The following TGIF1 variants were observed in gnomAD, a reference collection of about 807,000 sequenced individuals.
TGIF1 encodes the protein homeobox protein TGIF1.
In TGIF1, 4 loss-of-function variants were observed where a neutral mutation model predicts 19.3. The ratio of observed to expected loss-of-function variants is 0.21; its 90% CI spans 0.10 to 0.47. TGIF1 has a LOEUF of 0.47. TGIF1 is among the 20% of genes least tolerant of loss of function. The probability of loss-of-function intolerance (pLI) is 0.98; values close to 1 mark genes in which losing one functional copy is unlikely to be tolerated. For missense variants in TGIF1, 275 were observed against 341.4 expected (o/e 0.81, Z 1.53); for synonymous variants, 122 against 129.3 (o/e 0.94, Z 0.38).
chr18:3,453,439 C>T (rs1018996959), intron 1 of TGIF1, among the ~76,000 whole-genome samples: 2 of 152,028 alleles, frequency 1.3e-5, no homozygotes, highest in African/African-American at 4.8e-5. Flanking sequence ...GTAATCCCAG[C>T]ACTTTGGGAG....
intron 1 of TGIF1, chr18:3,452,519 G>A (rs2083005662): frequency 1.5e-6 from 2 of 1,338,108 alleles, no homozygotes; most frequent in Admixed American, 2.0e-5. Flanking sequence ...CTCTGAGAAG[G>A]TGGGATTCAC....
At chr18:3,439,333 G>A (rs1568038460) in intron 2 of TGIF1, among the ~76,000 whole-genome samples, 1 of 151,240 alleles carries the variant, frequency 6.6e-6, no homozygotes, top group Non-Finnish European at 1.5e-5. Context: ...TGTTTCTGAA[G>A]TCACCTCACT....
Position 3,426,686 on chromosome 18 carries a change from G to A in TGIF1, c.-45+8471G>A, listed in dbSNP as rs578132014. Among the ~76,000 whole-genome samples, 4 of 152,040 alleles carry A rather than the reference G, an allele frequency of 2.6e-5. No individual in the cohort carries two copies. In the South Asian group the frequency reaches 8.3e-4, roughly 31 times the overall value. On this transcript the variant is annotated intron_variant, in intron 2 of 3. Coordinates refer to the TGIF1 transcript ENST00000401449. ...TACAACCCTTGTGAAGTAGAATTTGGCAATATCTAACAAAGCCACACGTTT... is the reference window on the plus strand; with the variant it reads ...TACAACCCTTGTGAAGTAGAATTTGACAATATCTAACAAAGCCACACGTTT...
In TGIF1 at chr18:3,450,455, C is replaced by T. The variant is rs755779280; in HGVS notation, c.-35C>T. On this transcript the variant is annotated 5_prime_UTR_variant, in exon 1 of 3. Coordinates refer to ENST00000343820, the MANE Select transcript of TGIF1 (RefSeq NM_003244.4). ...TCCCCGCTCCTGGCCCCTCCAGACC[C>T]CCGCCTTGCCTCGCGCTGGGAGGGG... 6.6e-5 allele frequency: 103 copies of T among 1,554,388 alleles called. No individual in the cohort carries two copies. Among genetic ancestry groups the T allele is most frequent in the Non-Finnish European group, 3.2e-5 (37 of 1,148,900 alleles).
At chr18:3,422,669 T>G (rs1598857167) in intron 2 of TGIF1, among the ~76,000 whole-genome samples, 1 of 1,442 alleles carries the variant, frequency 6.9e-4, no homozygotes, top group African/African-American at 2.6e-3. Flanking sequence ...CCTATATAGG[T>G]GGCCTTTTTT....
At chr18:3,439,144 T>C (rs1157382933) in intron 2 of TGIF1, among the ~76,000 whole-genome samples, 1 of 151,990 alleles carries the variant, frequency 6.6e-6, no homozygotes, top group Non-Finnish European at 1.5e-5. Flanking sequence ...AGACGAAGTG[T>C]GTAAGGGAGA....
At chr18:3,442,233 T>G (rs1016007213) in intron 2 of TGIF1, among the ~76,000 whole-genome samples, 3 of 152,168 alleles carry the variant, frequency 2.0e-5, no homozygotes, top group Non-Finnish European at 2.9e-5. Context: ...TTCCTAGATA[T>G]TTCATCATTT....
Position 3,428,589 on chromosome 18 carries a change from T to TATCCG in TGIF1, c.-45+10375_-45+10379dup, listed in dbSNP as rs375805149. On this transcript the variant is annotated intron_variant, in intron 2 of 3. Coordinates refer to the TGIF1 transcript ENST00000401449. ...CATCTCCACTAAAATACAAAAAGATTATCCGGGCATGGTGGCACGCGCCTG... is the reference window on the plus strand; with the variant it reads ...CATCTCCACTAAAATACAAAAAGATTATCCGATCCGGGCATGGTGGCACGCGCCTG... 7.3e-4 allele frequency among the ~76,000 whole-genome samples: 111 copies of TATCCG among 151,830 alleles called. 1 individual carries two copies. The highest frequency in any genetic ancestry group is 2.5e-3 in the African/African-American group (104 of 41,364).
At chr18:3,445,651 G>C (rs368533480), upstream of TGIF1, among the ~76,000 whole-genome samples, 1 of 143,452 alleles carries the variant, frequency 7.0e-6, no homozygotes, top group East Asian at 2.1e-4. Flanking sequence ...GTGAACCCAG[G>C]AGGCAGAGCT....
intron 2 of TGIF1, among the ~76,000 whole-genome samples, chr18:3,419,515 G>A (rs548578738): frequency 1.1e-4 from 16 of 152,270 alleles, no homozygotes; most frequent in African/African-American, 3.8e-4. Flanking sequence ...TAGTTGGTTG[G>A]TTAGTTGGTT....
exon 1 of TGIF1, chr18:3,412,074 CA>C: frequency 6.2e-6 from 1 of 162,074 alleles, no homozygotes; most frequent in Non-Finnish European, 1.4e-5. Flanking sequence ...CTCAGCGGGG[CA>C]AAGGCCAGGC....
intron 1 of TGIF1, among the ~76,000 whole-genome samples, chr18:3,453,525 A>G (rs1370769267): frequency 6.6e-6 from 1 of 151,934 alleles, no homozygotes; most frequent in Non-Finnish European, 1.5e-5. Context: ...CGTCTCTCCT[A>G]AAAACACAAA....
At chr18:3,434,703 A>G (rs1023428400) in intron 2 of TGIF1, among the ~76,000 whole-genome samples, 2 of 152,186 alleles carry the variant, frequency 1.3e-5, no homozygotes, top group African/African-American at 4.8e-5. Flanking sequence ...CGACAGAGTG[A>G]GACTGTCTCA....
rs927407331 is a variant in TGIF1, at chr18:3,458,834, A to C, written c.*894A>C. Reference sequence around the variant, plus strand: ...TTACCCTTTAAAATAACCTTTGTTCAGTGGTACATTTAGTTAAGGCATTTG... The same window carrying C: ...TTACCCTTTAAAATAACCTTTGTTCCGTGGTACATTTAGTTAAGGCATTTG... On this transcript the variant is annotated 3_prime_UTR_variant, in exon 3 of 3. Coordinates refer to ENST00000343820, the MANE Select transcript of TGIF1 (RefSeq NM_003244.4). The C allele has an allele frequency of 6.6e-6, 1 of 152,226 alleles. No individual in the cohort carries two copies. Among genetic ancestry groups the C allele is most frequent in the East Asian group, 1.9e-4 (1 of 5,202 alleles). The allele number at this position is 152,226 out of a possible 1,614,324, so 9.4% of individuals were successfully genotyped here.
intron 1 of TGIF1, among the ~76,000 whole-genome samples, chr18:3,450,759 C>T (rs1000017863): frequency 3.9e-5 from 6 of 152,208 alleles, no homozygotes; most frequent in Non-Finnish European, 7.3e-5. Flanking sequence ...CGCTCAGCGC[C>T]TTGTTTGTGC....
At chr18:3,424,354 T>C (rs1830208910) in intron 2 of TGIF1, among the ~76,000 whole-genome samples, 1 of 152,122 alleles carries the variant, frequency 6.6e-6, no homozygotes, top group Admixed American at 6.6e-5. Context: ...AAGGATCACA[T>C]GCAGTCAAGT....
Position 3,450,285 on chromosome 18 carries a change from G to T in TGIF1, c.-205G>T. 1 of 1,437,792 alleles carries T rather than the reference G, an allele frequency of 7.0e-7. No homozygotes were observed. 89.1% of individuals were successfully genotyped at this position (1,437,792 alleles called of 1,614,324 possible). On this transcript the variant is annotated 5_prime_UTR_variant, in exon 1 of 3. Transcript: ENST00000343820. ...CGGCCGGCTGCCAGAAGATCCCGGCGGGAGGAAGCCCAAGTGTCACTTGAA... is the reference window on the plus strand; with the variant it reads ...CGGCCGGCTGCCAGAAGATCCCGGCTGGAGGAAGCCCAAGTGTCACTTGAA...
At chr18:3,428,202 T>A (rs2082499042) in intron 2 of TGIF1, among the ~76,000 whole-genome samples, 1 of 152,156 alleles carries the variant, frequency 6.6e-6, no homozygotes, top group South Asian at 2.1e-4. Context: ...TACTTAAGAA[T>A]TTCCTTGATG....
At chr18:3,447,861 C>A, upstream of TGIF1, 2 of 1,586,432 alleles carry the variant, frequency 1.3e-6, no homozygotes, top group Non-Finnish European at 1.7e-6. Context: ...TGTCTCCGCC[C>A]CTCCCCCCTT....
Sources: allele counts gnomAD v4.1 joint callset (sites outside exome capture counted in the v4.1 genomes callset), GRCh38; gene constraint gnomAD v4.1.1; transcripts MANE v1.5; gene names NCBI Gene and HGNC (gene_info 2026-07-23, HGNC 2026-07-21).